Variants in AKT3 observed in about 807,000 individuals in gnomAD.
AKT3 encodes the protein AKT serine/threonine kinase 3, also known as RAC-gamma serine/threonine-protein kinase.
In AKT3, 15 loss-of-function variants were observed where a neutral mutation model predicts 65.3. That is an observed-to-expected ratio of 0.23 (90% CI 0.15 to 0.35). AKT3 has a LOEUF of 0.35. Among genes scored for constraint, AKT3 ranks in the 10% least tolerant of loss-of-function variants. The pLI is 1.00. For synonymous variants in AKT3, 206 were observed against 183.8 expected, an observed-to-expected ratio of 1.12 and a Z score of -0.98; for missense variants, 243 against 576.5, an observed-to-expected ratio of 0.42 and a Z score of 5.92.
chr1:243,733,859 CAG>C (rs1687690828), intron 2 of AKT3, among the ~76,000 whole-genome samples: 2 of 152,182 alleles, frequency 1.3e-5, no homozygotes, highest in South Asian at 2.1e-4. Flanking sequence ...ACTTGCTCAA[CAG>C]AGTTGCCACA....
In AKT3 at chr1:243,689,103, T is replaced by C. The variant is rs140382706; in HGVS notation, c.172+6488A>G. ...CTTTCTACAGAATTCATTTTGGCAA[T>C]TAATCCTATTTTTCCTCCCACTGCT... On this transcript the variant is annotated intron_variant, in intron 3 of 13. Transcript: ENST00000673466. Among the ~76,000 whole-genome samples, 399 of 152,304 alleles carry C rather than the reference T, an allele frequency of 2.6e-3. 2 individuals are homozygous for C. The highest frequency in any genetic ancestry group is 4.6e-3 in the Non-Finnish European group (312 of 68,024).
intron 12 of AKT3, among the ~76,000 whole-genome samples, chr1:243,533,989 C>T (rs2148419893): frequency 6.6e-6 from 1 of 151,986 alleles, no homozygotes; most frequent in African/African-American, 2.4e-5. Flanking sequence ...GACTCCGTTT[C>T]CAAAAACAAA....
chr1:243,805,294 A>T (rs1482409112), intron 2 of AKT3, among the ~76,000 whole-genome samples: 1 of 152,068 alleles, frequency 6.6e-6, no homozygotes, highest in East Asian at 1.9e-4. Context: ...TTCAAAGATT[A>T]ACCCCATCAC....
chr1:243,576,866 A>G (rs1456330781), intron 8 of AKT3, among the ~76,000 whole-genome samples: 1 of 152,190 alleles, frequency 6.6e-6, no homozygotes, highest in African/African-American at 2.4e-5. Context: ...ACAGAATTAG[A>G]AAAAAACTAT....
intron 12 of AKT3, among the ~76,000 whole-genome samples, chr1:243,531,132 C>T (rs144072000): frequency 1.1e-3 from 163 of 152,218 alleles, no homozygotes; most frequent in African/African-American, 3.8e-3. Flanking sequence ...TTCTGTCACC[C>T]AAGCTTGGAG....
chr1:243,809,484 T>A (rs897100116), intron 2 of AKT3, among the ~76,000 whole-genome samples: 5 of 152,192 alleles, frequency 3.3e-5, no homozygotes, highest in Non-Finnish European at 5.9e-5. Context: ...AAGAGCTAAC[T>A]ATCCTAAATA....
intron 1 of AKT3, among the ~76,000 whole-genome samples, chr1:243,844,830 A>G (rs1282755775): frequency 6.6e-6 from 1 of 152,230 alleles, no homozygotes; most frequent in Non-Finnish European, 1.5e-5. Context: ...TCCCATATAC[A>G]GCAATGAGTT....
At chr1:243,839,831 T>C (rs1176174484) in intron 2 of AKT3, among the ~76,000 whole-genome samples, 2 of 151,212 alleles carry the variant, frequency 1.3e-5, no homozygotes, top group Non-Finnish European at 2.9e-5. Context: ...TTTTTTGTTG[T>C]TGTTGTTGAT....
At chr1:243,522,718 C>T (rs1276566045) in intron 12 of AKT3, among the ~76,000 whole-genome samples, 1 of 152,128 alleles carries the variant, frequency 6.6e-6, no homozygotes, top group African/African-American at 2.4e-5. Context: ...TCAATAGATA[C>T]ACACACATAC....
At chr1:243,664,715 T>C (rs2147921255) in intron 4 of AKT3, 57 bp downstream of exon 4, 1 of 768,684 alleles carries the variant, frequency 1.3e-6, no homozygotes, top group Non-Finnish European at 2.0e-6. Flanking sequence ...CAGATACAAA[T>C]ACATCTTTAG....
rs550483738 is a variant in AKT3, at chr1:243,810,412, A to T, written c.46+32713T>A. 2.7e-3 allele frequency among the ~76,000 whole-genome samples: 406 copies of T among 152,340 alleles called. 2 individuals carry two copies. Among genetic ancestry groups the T allele is most frequent in the South Asian group, 8.3e-3 (40 of 4,826 alleles). On this transcript the variant is annotated intron_variant, in intron 2 of 13. Transcript: ENST00000673466. ...ACTATAAACACCTCTATGCAAATAA[A>T]CTAGAAAATCTAGAAGAAACGGATA...
chr1:243,825,148 AG>A (rs753373316), intron 2 of AKT3, among the ~76,000 whole-genome samples: 2 of 152,252 alleles, frequency 1.3e-5, no homozygotes, highest in Non-Finnish European at 2.9e-5. Flanking sequence ...AAACTAACAC[AG>A]GAACAGAAAA....
chr1:243,653,849 C>T (rs918143023), intron 4 of AKT3, among the ~76,000 whole-genome samples: 36 of 152,222 alleles, frequency 2.4e-4, no homozygotes, highest in African/African-American at 7.5e-4. Context: ...TGATATAATA[C>T]GGCAATCCAT....
intron 2 of AKT3, among the ~76,000 whole-genome samples, chr1:243,725,320 T>C (rs898659230): frequency 3.3e-5 from 5 of 152,126 alleles, no homozygotes; most frequent in Middle Eastern, 3.2e-3. Flanking sequence ...GAAGACAAGA[T>C]ACAAGAGGTG....
chr1:243,797,243 GCTCT>G (rs961959279), intron 2 of AKT3, among the ~76,000 whole-genome samples: 1 of 151,636 alleles, frequency 6.6e-6, no homozygotes, highest in African/African-American at 2.4e-5. Flanking sequence ...TCTATGCAAA[GCTCT>G]CTCTCTCCTT....
At chr1:243,646,107 C>G in intron 4 of AKT3, 70 bp from the exon 5 acceptor site, 2 of 1,313,432 alleles carry the variant, frequency 1.5e-6, no homozygotes, top group East Asian at 2.5e-5. Flanking sequence ...CTTTTATAAA[C>G]TATGAAATCA....
intron 12 of AKT3, among the ~76,000 whole-genome samples, chr1:243,542,963 T>C (rs796669753): frequency 5.9e-5 from 9 of 152,308 alleles, no homozygotes; most frequent in African/African-American, 1.7e-4. Context: ...GACCAATCTA[T>C]TGTTTACAGA....
intron 6 of AKT3, among the ~76,000 whole-genome samples, chr1:243,632,358 T>C (rs1679673056): frequency 6.6e-6 from 1 of 152,200 alleles, no homozygotes; most frequent in South Asian, 2.1e-4. Context: ...GTATATCTGG[T>C]GCATTGTCAA....
At chr1:243,561,390 A>G (rs1365830306) in intron 10 of AKT3, among the ~76,000 whole-genome samples, 1 of 152,082 alleles carries the variant, frequency 6.6e-6, no homozygotes, top group Non-Finnish European at 1.5e-5. Flanking sequence ...TCAAATTAGG[A>G]TTTTTTGAGG....
Sources: gnomAD v4.1 joint callset for allele counts (sites outside exome capture counted in the v4.1 genomes callset) on GRCh38, gnomAD v4.1.1 for gene constraint, MANE v1.5 for transcripts, NCBI Gene and HGNC (gene_info 2026-07-23, HGNC 2026-07-21) for gene names.